The following PHACTR2 variants were observed in gnomAD, a reference collection of about 807,000 sequenced individuals.
The protein encoded by PHACTR2 is phosphatase and actin regulator 2.
A neutral mutation model predicts 76.0 loss-of-function variants in PHACTR2; 30 were observed. The ratio of observed to expected loss-of-function variants is 0.39; its 90% CI spans 0.30 to 0.54. The LOEUF (loss-of-function observed/expected upper bound fraction) is 0.54, where lower values mean the gene tolerates loss of function less well. Among genes scored for constraint, PHACTR2 ranks in the 20% least tolerant of loss-of-function variants. PHACTR2 has a pLI of 0.61. For synonymous variants in PHACTR2, 292 were observed against 292.5 expected, an observed-to-expected ratio of 1.00 and a Z score of 0.02; for missense variants, 696 against 781.1, an observed-to-expected ratio of 0.89 and a Z score of 1.30.
chr6:143,711,981 A>G (rs1778185098), intron 1 of PHACTR2, 35 bp from the exon 2 acceptor site: 3 of 1,597,920 alleles, frequency 1.9e-6, no homozygotes, highest in Non-Finnish European at 2.6e-6. Flanking sequence ...AACCTTTTTT[A>G]CAACCTTTCT....
chr6:143,604,665 T>C (rs1310549066), upstream of PHACTR2, among the ~76,000 whole-genome samples: 1 of 152,080 alleles, frequency 6.6e-6, no homozygotes, highest in Non-Finnish European at 1.5e-5. Context: ...GTGGATCACC[T>C]GCGGTCAGGA....
chr6:143,777,310 T>A lies in PHACTR2; in HGVS notation c.1590-18T>A. ...TACCTTGTTTTTAACCTGTAATATA[T>A]CCTTTTTGTCATCATAGGAGGCTGA... On this transcript the variant is annotated intron_variant, in intron 8 of 12. Coordinates refer to ENST00000440869, the MANE Select transcript of PHACTR2 (RefSeq NM_001100164.2). The surrounding 1 kb of genome is among the most constrained non-coding windows in gnomAD (Gnocchi z 4.6). 1 of 1,516,776 alleles carries A rather than the reference T, an allele frequency of 6.6e-7. No individual in the cohort carries two copies. The highest frequency in any genetic ancestry group is 9.1e-7 in the Non-Finnish European group (1 of 1,097,712). 94.0% of individuals were successfully genotyped at this position (1,516,776 alleles called of 1,614,324 possible). A position where few individuals can be genotyped will look rare whatever the true frequency, so the allele number is the denominator to read the frequency against.
At position 143,787,955 on chromosome 6, in the gene PHACTR2, A is replaced by T. The variant is rs1034008748; in HGVS notation, c.1708-818A>T. ...GACCAAAATGGGAGTGAACCTCCGT[A>T]GCAGAGAGTAGATAATGCCTGTTTA... On this transcript the variant is annotated intron_variant, in intron 10 of 12. Coordinates refer to ENST00000440869, the MANE Select transcript of PHACTR2 (RefSeq NM_001100164.2). The surrounding 1 kb of genome is among the most constrained non-coding windows in gnomAD (Gnocchi z 4.6). 7.9e-5 allele frequency among the ~76,000 whole-genome samples: 12 copies of T among 152,234 alleles called. No homozygotes were observed. Among genetic ancestry groups the T allele is most frequent in the Non-Finnish European group, 1.5e-4 (10 of 68,038 alleles).
At chr6:143,631,890 A>G (rs1340681296) in intron 1 of PHACTR2, among the ~76,000 whole-genome samples, 7 of 152,164 alleles carry the variant, frequency 4.6e-5, no homozygotes, top group Admixed American at 4.6e-4. Flanking sequence ...CCCTTTTTTG[A>G]TCAAATTTGT....
intron 1 of PHACTR2, among the ~76,000 whole-genome samples, chr6:143,692,737 T>TGGA (rs1293347670): frequency 6.6e-6 from 1 of 152,168 alleles, no homozygotes; most frequent in African/African-American, 2.4e-5. Context: ...TGGGCTGAGG[T>TGGA]GGAGGTGAGG....
upstream of PHACTR2, among the ~76,000 whole-genome samples, chr6:143,675,235 A>C (rs1777219879): frequency 6.6e-6 from 1 of 152,230 alleles, no homozygotes; most frequent in Non-Finnish European, 1.5e-5. This position sits in a 1 kb window ranked among gnomAD's most constrained non-coding sequence, Gnocchi z 4.9. Flanking sequence ...CAGAGCTTGA[A>C]AAATATTTAG....
Position 143,537,094 on chromosome 6 carries a change from C to T in PHACTR2, c.104C>T (p.Ala35Val), listed in dbSNP as rs1432961704. The T allele has an allele frequency of 4.2e-6, 1 of 239,996 alleles. No individual in the cohort carries two copies. The highest frequency in any genetic ancestry group is 8.1e-6 in the Non-Finnish European group (1 of 123,018). 14.9% of individuals were successfully genotyped at this position (239,996 alleles called of 1,614,324 possible). ...CCCGAGGCGCCCGCCCCGCCGGCGG[C>T]GCCTGCCCTGCGCTGGCTTCCCGGG... The change falls in exon 1 of 12, where the codon GCG becomes GTG. Residue 35 changes from alanine (A) to valine (V), a missense_variant. By Grantham distance (64) the Ala-to-Val change is moderately conservative (BLOSUM62 0). Transcript: ENST00000367584. This position sits in a 1 kb window ranked among gnomAD's most constrained non-coding sequence, Gnocchi z 4.4.
Position 143,812,160 on chromosome 6 carries a change from A to G in PHACTR2, c.1922+5027A>G, listed in dbSNP as rs536817326. On this transcript the variant is annotated intron_variant, in intron 12 of 12. Coordinates refer to ENST00000440869, the MANE Select transcript of PHACTR2 (RefSeq NM_001100164.2). ...CAACCCAGTGATGTACTGGTGTACA[A>G]TGGAAGGACCCACTTCTGTATATAG... 1.5e-3 allele frequency among the ~76,000 whole-genome samples: 234 copies of G among 152,260 alleles called. 1 individual carries two copies. The highest frequency in any genetic ancestry group is 5.3e-3 in the African/African-American group (221 of 41,546).
chr6:143,607,429 CG>C (rs1562246306), upstream of PHACTR2, among the ~76,000 whole-genome samples: 2 of 152,194 alleles, frequency 1.3e-5, no homozygotes, highest in Admixed American at 6.5e-5. Context: ...CCAAATTAAA[CG>C]AAAGAAGTGA....
At chr6:143,702,773 C>CTTTTTT (rs1190039194) in intron 1 of PHACTR2, among the ~76,000 whole-genome samples, 3,995 of 99,994 alleles carry the variant, frequency 0.04, 261 homozygotes, top group South Asian at 0.11. Context: ...ATATATACAA[C>CTTTTTT]TTTTTTTTTT....
rs76555985 is a variant in PHACTR2 at position 143,538,230 on chromosome 6, G to A, written c.217+1023G>A. Among the ~76,000 whole-genome samples the A allele has an allele frequency of 7.7e-3, 1,174 of 152,350 alleles. 12 individuals are homozygous for A. The highest frequency in any genetic ancestry group is 0.025 in the African/African-American group (1,046 of 41,580). On this transcript the variant is annotated intron_variant, in intron 1 of 11. Coordinates refer to the PHACTR2 transcript ENST00000367584. The stretch of plus-strand genomic sequence containing the variant: ...CGAAATCAGGAACTCAGCTAAGGCC[G>A]ATGCTGCCGGCCGAGTTGTGTGACG...
chr6:143,717,727 C>T (rs1211180981), intron 2 of PHACTR2, among the ~76,000 whole-genome samples: 1 of 152,092 alleles, frequency 6.6e-6, no homozygotes, highest in African/African-American at 2.4e-5. Context: ...CACACACCAC[C>T]ACACTCGGCT....
chr6:143,632,492 C>T (rs1562254022), intron 1 of PHACTR2, among the ~76,000 whole-genome samples: 1 of 152,072 alleles, frequency 6.6e-6, no homozygotes, highest in Non-Finnish European at 1.5e-5. Flanking sequence ...GAGCAAAGTA[C>T]AATGAATTCT....
At position 143,740,305 on chromosome 6, in the gene PHACTR2, G is replaced by A. The variant is rs114635929; in HGVS notation, c.215-8680G>A. Among the ~76,000 whole-genome samples, 762 of 152,014 alleles carry A rather than the reference G, an allele frequency of 5.0e-3. 6 individuals are homozygous for A. Among genetic ancestry groups the A allele is most frequent in the African/African-American group, 0.017 (721 of 41,448 alleles). The stretch of plus-strand genomic sequence containing the variant: ...TGGCTTCTTTATTGCAACCTGTTTT[G>A]TCATCAAGATCTTTAAGACCTGTAT... On this transcript the variant is annotated intron_variant, in intron 2 of 12. Transcript: ENST00000440869.
At chr6:143,707,351 C>T (rs1216735557) in intron 1 of PHACTR2, among the ~76,000 whole-genome samples, 1 of 152,192 alleles carries the variant, frequency 6.6e-6, no homozygotes, top group Non-Finnish European at 1.5e-5. Context: ...TTCTCATCGA[C>T]CTTCAGATAT....
chr6:143,684,590 G>A lies in PHACTR2; in HGVS notation c.46+6381G>A, dbSNP rs1777471093. Among the ~76,000 whole-genome samples the A allele has an allele frequency of 6.6e-6, 1 of 152,200 alleles. No individual in the cohort carries two copies. The highest frequency in any genetic ancestry group is 1.5e-5 in the Non-Finnish European group (1 of 68,044). Reference sequence around the variant, plus strand: ...TAGACTTTGCTACATTATTCTCAAAGAGGCTTTCTCAGTGTTATCTGCTTA... The same window carrying A: ...TAGACTTTGCTACATTATTCTCAAAAAGGCTTTCTCAGTGTTATCTGCTTA... On this transcript the variant is annotated intron_variant, in intron 1 of 12. Coordinates refer to ENST00000440869, the MANE Select transcript of PHACTR2 (RefSeq NM_001100164.2). The surrounding 1 kb of genome is among the most constrained non-coding windows in gnomAD (Gnocchi z 4.3).
At chr6:143,632,348 T>C (rs1776376346) in intron 1 of PHACTR2, among the ~76,000 whole-genome samples, 1 of 152,246 alleles carries the variant, frequency 6.6e-6, no homozygotes, top group Non-Finnish European at 1.5e-5. Context: ...TTAAAGAAAC[T>C]ATTTAGATAC....
At chr6:143,564,153 A>C in intron 1 of PHACTR2, among the ~76,000 whole-genome samples, 1 of 136,570 alleles carries the variant, frequency 7.3e-6, no homozygotes, top group Non-Finnish European at 1.6e-5. Flanking sequence ...TGTCTTAGTT[A>C]TATGTGTGTG....
At chr6:143,805,434 G>A (rs866721239) in intron 11 of PHACTR2, among the ~76,000 whole-genome samples, 1 of 143,570 alleles carries the variant, frequency 7.0e-6, no homozygotes, top group Admixed American at 7.3e-5. Context: ...AGCCAAGATC[G>A]TACCACTGCA....
Sources: allele counts gnomAD v4.1 joint callset (sites outside exome capture counted in the v4.1 genomes callset), GRCh38; gene constraint gnomAD v4.1.1; non-coding constraint Gnocchi (gnomAD v3.1); transcripts MANE v1.5; gene names NCBI Gene and HGNC (gene_info 2026-07-23, HGNC 2026-07-21).